NCAM1: variants seen among roughly 807,000 people sequenced by gnomAD.
NCAM1 encodes the protein neural cell adhesion molecule 1, also known as antigen recognized by monoclonal antibody 5.1H11.
Under a neutral mutation model 109.8 loss-of-function variants are expected in NCAM1, and 14 were observed. The ratio of observed to expected loss-of-function variants is 0.13; its 90% CI spans 0.08 to 0.20. NCAM1 has a LOEUF of 0.20. Among genes scored for constraint, NCAM1 ranks in the 10% least tolerant of loss-of-function variants. The pLI is 1.00. For missense variants in NCAM1, 774 were observed against 1,109.9 expected (o/e 0.70, Z 4.30); for synonymous variants, 418 against 442.9 (o/e 0.94, Z 0.70).
chr11:113,237,814 G>T (rs1052020255), intron 14 of NCAM1, among the ~76,000 whole-genome samples: 1 of 151,428 alleles, frequency 6.6e-6, no homozygotes, highest in Non-Finnish European at 1.5e-5. Context: ...GGCCGCAGTG[G>T]TTTTCATTCA....
chr11:113,015,477 T>C (rs1467661654), intron 1 of NCAM1, among the ~76,000 whole-genome samples: 1 of 152,228 alleles, frequency 6.6e-6, no homozygotes, highest in East Asian at 1.9e-4. Flanking sequence ...GGCTTATGCC[T>C]GTAATCCCAG....
intron 1 of NCAM1, among the ~76,000 whole-genome samples, chr11:113,141,523 C>T (rs1555100427): frequency 6.6e-6 from 1 of 152,100 alleles, no homozygotes; most frequent in Admixed American, 6.6e-5. Context: ...GTGGTGTGTG[C>T]CTGTAGTCCC....
In NCAM1 at chr11:113,111,220, C is replaced by CTTTA. The variant is rs1555093631; in HGVS notation, c.53-91158_53-91157insTTAT. Among the ~76,000 whole-genome samples the CTTTA allele has an allele frequency of 3.9e-5, 6 of 152,246 alleles. No individual in the cohort carries two copies. In the East Asian group the frequency reaches 1.2e-3, roughly 29 times the overall value. On this transcript the variant is annotated intron_variant, in intron 1 of 19. Coordinates refer to ENST00000316851, the MANE Select transcript of NCAM1 (RefSeq NM_181351.5). ...ATTTAAACAAAGCATTTGTTTTCATCTGTGCTTTCATGGCTTTATCTACTT... is the reference window on the plus strand; with the variant it reads ...ATTTAAACAAAGCATTTGTTTTCATCTTTATGTGCTTTCATGGCTTTATCTACTT...
At chr11:113,109,741 G>A (rs921900752) in intron 1 of NCAM1, among the ~76,000 whole-genome samples, 1 of 152,180 alleles carries the variant, frequency 6.6e-6, no homozygotes, top group Non-Finnish European at 1.5e-5. Flanking sequence ...ATGAAAAAGT[G>A]ACTTTTGTGC....
intron 1 of NCAM1, among the ~76,000 whole-genome samples, chr11:113,153,041 C>G (rs1240200627): frequency 7.4e-6 from 1 of 134,340 alleles, no homozygotes. Context: ...GCAGCAATGT[C>G]TATAATTTTT....
At chr11:113,148,294 T>C (rs1942093365) in intron 1 of NCAM1, among the ~76,000 whole-genome samples, 1 of 151,330 alleles carries the variant, frequency 6.6e-6, no homozygotes, top group South Asian at 2.1e-4. Flanking sequence ...GCTGCCCTAC[T>C]CCCAGCTGGC....
chr11:113,051,744 A>G (rs1321450035), intron 1 of NCAM1, among the ~76,000 whole-genome samples: 1 of 152,216 alleles, frequency 6.6e-6, no homozygotes, highest in Non-Finnish European at 1.5e-5. Flanking sequence ...TTAATTGTAT[A>G]ATTTAACCAA....
intron 1 of NCAM1, among the ~76,000 whole-genome samples, chr11:112,987,460 G>A (rs1178013067): frequency 1.3e-5 from 2 of 152,058 alleles, no homozygotes; most frequent in Non-Finnish European, 2.9e-5. Flanking sequence ...CTGTCTGGAC[G>A]ATCTAGCCAT....
intron 1 of NCAM1, among the ~76,000 whole-genome samples, chr11:113,106,589 C>T (rs1940177871): frequency 6.6e-6 from 1 of 152,078 alleles, no homozygotes; most frequent in Non-Finnish European, 1.5e-5. Context: ...TAAGACAAAA[C>T]AAAGATCAGG....
intron 17 of NCAM1, among the ~76,000 whole-genome samples, chr11:113,262,163 G>T (rs1555123500): frequency 6.6e-6 from 1 of 152,184 alleles, no homozygotes; most frequent in East Asian, 1.9e-4. Flanking sequence ...TGAATTCTGT[G>T]GTCAGCAAGC....
chr11:113,019,090 G>A (rs1555075803), intron 1 of NCAM1, among the ~76,000 whole-genome samples: 1 of 152,134 alleles, frequency 6.6e-6, no homozygotes, highest in East Asian at 1.9e-4. Flanking sequence ...ACTCGGTCAT[G>A]GTTAGGGAGA....
chr11:113,234,209 T>C (rs896678787), intron 13 of NCAM1, among the ~76,000 whole-genome samples: 1 of 150,622 alleles, frequency 6.6e-6, no homozygotes, highest in Non-Finnish European at 1.5e-5. Flanking sequence ...TGAAATCTCA[T>C]ACCAATTTTG....
chr11:113,156,958 C>T (rs920473209), intron 1 of NCAM1, among the ~76,000 whole-genome samples: 1 of 151,978 alleles, frequency 6.6e-6, no homozygotes, highest in Admixed American at 6.6e-5. Flanking sequence ...TAGGTGATGG[C>T]CTGGGAAGAA....
chr11:113,273,258 A>G lies in NCAM1; in HGVS notation c.2456+1382A>G. ...CCCTGCCGCTAGCAATTTGTCTTCTAGTGTCCTGGCTAACCAAGGGGCTGT... is the reference window on the plus strand; with the variant it reads ...CCCTGCCGCTAGCAATTTGTCTTCTGGTGTCCTGGCTAACCAAGGGGCTGT... On this transcript the variant is annotated intron_variant, in intron 19 of 19. Coordinates refer to ENST00000316851, the MANE Select transcript of NCAM1 (RefSeq NM_181351.5). This position sits in a 1 kb window ranked among gnomAD's most constrained non-coding sequence, Gnocchi z 6.0. 1 of 353,890 alleles carries G rather than the reference A, an allele frequency of 2.8e-6. No homozygotes were observed. 21.9% of individuals were successfully genotyped at this position (353,890 alleles called of 1,614,324 possible).
At chr11:113,131,293 C>A (rs1555098254) in intron 1 of NCAM1, among the ~76,000 whole-genome samples, 1 of 152,130 alleles carries the variant, frequency 6.6e-6, no homozygotes, top group East Asian at 1.9e-4. Context: ...AGGAGCCTTT[C>A]TCTTGATGCT....
intron 1 of NCAM1, among the ~76,000 whole-genome samples, chr11:113,111,933 C>T (rs552911983): frequency 1.3e-5 from 2 of 152,316 alleles, no homozygotes; most frequent in East Asian, 1.9e-4. Context: ...TGGATTTTCT[C>T]ATCGCAGATC....
At chr11:113,108,797 A>G (rs1460630721) in intron 1 of NCAM1, among the ~76,000 whole-genome samples, 1 of 143,304 alleles carries the variant, frequency 7.0e-6, no homozygotes, top group Admixed American at 7.0e-5. Flanking sequence ...TTTTTTTGAG[A>G]CAGAGTCTCA....
chr11:113,040,208 T>C (rs780572190), intron 1 of NCAM1, among the ~76,000 whole-genome samples: 1 of 152,188 alleles, frequency 6.6e-6, no homozygotes, highest in Non-Finnish European at 1.5e-5. Context: ...TTTTTGCTGT[T>C]GTTTTACTGA....
intron 1 of NCAM1, among the ~76,000 whole-genome samples, chr11:113,004,266 G>A (rs961545677): frequency 3.9e-5 from 6 of 152,142 alleles, no homozygotes; most frequent in Non-Finnish European, 8.8e-5. Context: ...AGGCCAAGGA[G>A]GGTGGATCAC....
Sources: allele counts gnomAD v4.1 joint callset (sites outside exome capture counted in the v4.1 genomes callset), GRCh38; gene constraint gnomAD v4.1.1; non-coding constraint Gnocchi (gnomAD v3.1); transcripts MANE v1.5; gene names NCBI Gene and HGNC (gene_info 2026-07-23, HGNC 2026-07-21).